STK3: variants seen among roughly 807,000 people sequenced by gnomAD.
STK3 encodes the protein serine/threonine kinase 3.
In STK3, 41 loss-of-function variants were observed where a neutral mutation model predicts 58.0. The observed-to-expected ratio is 0.71, with a 90% confidence interval of 0.55 to 0.92. The LOEUF is 0.92. Ranked by LOEUF, STK3 falls within the 40% of genes least tolerant of loss-of-function variation. The pLI is 0.00. For synonymous variants in STK3, 170 were observed against 191.0 expected (o/e 0.89, Z 0.91); for missense variants, 479 against 602.7 (o/e 0.79, Z 2.15).
At chr8:98,372,970 G>A (rs1284393331) in intron 2 of STK3, among the ~76,000 whole-genome samples, 1 of 152,158 alleles carries the variant, frequency 6.6e-6, no homozygotes, top group Non-Finnish European at 1.5e-5. Context: ...TCTTACTCTG[G>A]TTATAATGGT....
intron 6 of STK3, among the ~76,000 whole-genome samples, chr8:98,650,360 C>A (rs1820783452): frequency 1.3e-5 from 2 of 152,206 alleles, no homozygotes; most frequent in South Asian, 4.1e-4. Context: ...CGGAGGGCAG[C>A]CAAGATGACC....
At chr8:98,691,927 G>T (rs1220618671) in intron 6 of STK3, among the ~76,000 whole-genome samples, 1 of 126,512 alleles carries the variant, frequency 7.9e-6, no homozygotes, top group African/African-American at 2.9e-5. Flanking sequence ...GCAAAACTCC[G>T]CCTCAAAAAA....
chr8:98,825,580 A>T lies in STK3; in HGVS notation c.-40T>A. The T allele has an allele frequency of 2.1e-6, 3 of 1,426,364 alleles. No individual in the cohort carries two copies. The highest frequency in any genetic ancestry group is 1.8e-6 in the Non-Finnish European group (2 of 1,083,504). 88.4% of individuals were successfully genotyped at this position (1,426,364 alleles called of 1,614,324 possible). On this transcript the variant is annotated 5_prime_UTR_variant, in exon 1 of 11. Coordinates refer to ENST00000419617, the MANE Select transcript of STK3 (RefSeq NM_006281.4). The stretch of plus-strand genomic sequence containing the variant: ...GAGAGAGGGACCTGGTGGACGGCGA[A>T]GGCCGAAAGGAGGAAAGGAGCCGGG...
chr8:98,398,849 C>T (rs901103288), downstream of STK3, among the ~76,000 whole-genome samples: 1 of 152,188 alleles, frequency 6.6e-6, no homozygotes, highest in Non-Finnish European at 1.5e-5. Flanking sequence ...GGCCAAAACG[C>T]CTTTCTCTGT....
intron 10 of STK3, among the ~76,000 whole-genome samples, chr8:98,488,381 G>A (rs922385633): frequency 2.0e-5 from 3 of 152,110 alleles, no homozygotes; most frequent in East Asian, 1.9e-4. Flanking sequence ...TAACTTGTAC[G>A]GTGCCTTAAA....
At chr8:98,632,912 A>T (rs549631559) in intron 6 of STK3, among the ~76,000 whole-genome samples, 2 of 152,278 alleles carry the variant, frequency 1.3e-5, no homozygotes, top group East Asian at 1.9e-4. Flanking sequence ...CCAGTTATTA[A>T]AAAATGCAAA....
At chr8:98,386,850 C>T (rs941819360) in intron 1 of STK3, among the ~76,000 whole-genome samples, 6 of 151,964 alleles carry the variant, frequency 3.9e-5, no homozygotes, top group African/African-American at 1.5e-4. Context: ...TGTGGTGGTG[C>T]GCAAGGCTGA....
chr8:98,844,750 C>T (rs1317743240), intron 3 of STK3, among the ~76,000 whole-genome samples: 2 of 152,132 alleles, frequency 1.3e-5, no homozygotes, highest in African/African-American at 4.8e-5. Context: ...CAGGTGTGAG[C>T]CACTGTGCCC....
chr8:98,844,944 C>A (rs1836145748), intron 3 of STK3, among the ~76,000 whole-genome samples: 1 of 152,160 alleles, frequency 6.6e-6, no homozygotes, highest in African/African-American at 2.4e-5. Context: ...ACACCAGAAG[C>A]ACTTTGCTTT....
intron 7 of STK3, among the ~76,000 whole-genome samples, chr8:98,584,870 T>C (rs1424155889): frequency 3.3e-5 from 5 of 151,646 alleles, no homozygotes; most frequent in Non-Finnish European, 5.9e-5. Context: ...CATTTTTTCA[T>C]GTGTTTTTTA....
intron 1 of STK3, among the ~76,000 whole-genome samples, chr8:98,804,857 T>C (rs1461365410): frequency 1.3e-5 from 2 of 152,226 alleles, no homozygotes; most frequent in Non-Finnish European, 2.9e-5. Flanking sequence ...AAATGTGGTA[T>C]GAGAGAATCA....
intron 9 of STK3, among the ~76,000 whole-genome samples, chr8:98,540,477 T>C (rs1810155402): frequency 6.6e-6 from 1 of 152,172 alleles, no homozygotes; most frequent in Admixed American, 6.5e-5. Context: ...CCTCGTTCTA[T>C]CCTATAACAT....
chr8:98,835,824 C>T (rs1475076654), intron 3 of STK3, among the ~76,000 whole-genome samples: 2 of 152,122 alleles, frequency 1.3e-5, no homozygotes, highest in African/African-American at 4.8e-5. Context: ...CTAGCTCAGC[C>T]CCAGGGAGGA....
intron 6 of STK3, among the ~76,000 whole-genome samples, chr8:98,695,397 TG>T (rs1554651487): frequency 6.6e-6 from 1 of 152,120 alleles, no homozygotes; most frequent in Non-Finnish European, 1.5e-5. Context: ...TTGCTTTTGG[TG>T]TTTTAGACAT....
At chr8:98,873,159 T>G (rs1165831131) in intron 3 of STK3, among the ~76,000 whole-genome samples, 3 of 152,222 alleles carry the variant, frequency 2.0e-5, no homozygotes, top group African/African-American at 4.8e-5. Flanking sequence ...TTGAGTGAGT[T>G]TCTTAATCCT....
At chr8:98,729,471 T>G (rs1470727085) in intron 4 of STK3, among the ~76,000 whole-genome samples, 1 of 152,206 alleles carries the variant, frequency 6.6e-6, no homozygotes, top group Non-Finnish European at 1.5e-5. Context: ...GTCTATGTTA[T>G]GGAATGTATA....
chr8:98,507,941 G>A (rs1433419697), intron 10 of STK3, among the ~76,000 whole-genome samples: 4 of 151,908 alleles, frequency 2.6e-5, no homozygotes, highest in Admixed American at 2.0e-4. Context: ...CCCCAACACC[G>A]GCCTCATTAC....
chr8:98,555,813 G>A (rs560292711), intron 8 of STK3, among the ~76,000 whole-genome samples: 2 of 152,076 alleles, frequency 1.3e-5, no homozygotes, highest in Non-Finnish European at 1.5e-5. Flanking sequence ...TTTCAAGATA[G>A]TAAGGGCTCA....
chr8:98,419,819 G>GA (rs1688868343), intron 3 of STK3, among the ~76,000 whole-genome samples: 1 of 152,196 alleles, frequency 6.6e-6, no homozygotes, highest in Admixed American at 6.5e-5. Flanking sequence ...CTGTGCAGAG[G>GA]TGAAGTCTGC....
Sources: allele counts gnomAD v4.1 joint callset (sites outside exome capture counted in the v4.1 genomes callset), GRCh38; gene constraint gnomAD v4.1.1; transcripts MANE v1.5; gene names NCBI Gene and HGNC (gene_info 2026-07-23, HGNC 2026-07-21).